The following TBX3 variants were observed in gnomAD, a reference collection of about 807,000 sequenced individuals.
The protein encoded by TBX3 is T-box transcription factor TBX3.
TBX3 carries 11 observed loss-of-function variants against 47.8 expected under a neutral mutation model. That is an observed-to-expected ratio of 0.23 (90% confidence interval 0.14 to 0.38). The LOEUF is 0.38. Ranked by LOEUF, TBX3 falls within the 10% of genes least tolerant of loss-of-function variation. TBX3 has a pLI of 1.00. For synonymous variants in TBX3, 500 were observed against 449.3 expected (o/e 1.11, Z -1.43); for missense variants, 927 against 1,022.8 (o/e 0.91, Z 1.28).
intron 1 of TBX3, among the ~76,000 whole-genome samples, chr12:114,682,517 CTT>C (rs34428684): frequency 6.9e-6 from 1 of 145,488 alleles, no homozygotes. Context: ...AGTAGAGTGC[CTT>C]TTTTTTTTTT....
At position 114,670,363 on chromosome 12, in the gene TBX3, A is replaced by G. The variant is rs1356685524; in HGVS notation, c.*1478T>C. The G allele has an allele frequency of 4.5e-6, 1 of 224,490 alleles. No homozygotes were observed. The highest frequency in any genetic ancestry group is 8.9e-6 in the Non-Finnish European group (1 of 112,640). 13.9% of individuals were successfully genotyped at this position (224,490 alleles called of 1,614,324 possible). ...CAACTATAACACAAAATATACCTTC[A>G]TGAATTTGTCTTTAAACCATCTCTC... On this transcript the variant is annotated 3_prime_UTR_variant, in exon 7 of 7. Transcript: ENST00000349155.
In TBX3 at chr12:114,671,579, T is replaced by A; in HGVS notation, c.*262A>T. The A allele has an allele frequency of 1.8e-6, 1 of 567,470 alleles. No homozygotes were observed. The highest frequency in any genetic ancestry group is 3.1e-6 in the Non-Finnish European group (1 of 317,498). The allele number at this position is 567,470 out of a possible 1,614,324, so 35.2% of individuals were successfully genotyped here. ...TGGAAGTTGCTCTGGACATAAATGTTGGAACTCCTACCCCCAGTAGCTCAA... is the reference window on the plus strand; with the variant it reads ...TGGAAGTTGCTCTGGACATAAATGTAGGAACTCCTACCCCCAGTAGCTCAA... On this transcript the variant is annotated 3_prime_UTR_variant, in exon 7 of 7. Transcript: ENST00000349155.
intron 1 of TBX3, 83 bp downstream of exon 1, chr12:114,682,729 C>T: frequency 6.2e-7 from 1 of 1,606,142 alleles, no homozygotes; most frequent in Non-Finnish European, 8.5e-7. Context: ...TAATAACCGA[C>T]CAACCGACTG....
chr12:114,676,965 C>G (rs1029696490), intron 4 of TBX3, among the ~76,000 whole-genome samples: 6 of 151,000 alleles, frequency 4.0e-5, no homozygotes, highest in African/African-American at 1.5e-4. Flanking sequence ...GTTTTACTAA[C>G]AAATTAATTG....
intron 3 of TBX3, among the ~76,000 whole-genome samples, chr12:114,678,810 C>G (rs75698974): frequency 0.011 from 1,601 of 152,236 alleles, 15 homozygotes; most frequent in Admixed American, 0.015. Context: ...CTCTAGATAT[C>G]AGGTGCTTTC....
chr12:114,679,659 G>A lies in TBX3; in HGVS notation c.658-8C>T. ...CATGGAGTTCAATATAGTCTGCAGG[G>A]GCAGGGAAGAGGAGACATACATAAA... On this transcript the variant is annotated splice_polypyrimidine_tract_variant and splice_region_variant and intron_variant, in intron 2 of 6. Coordinates refer to ENST00000349155, the MANE Select transcript of TBX3 (RefSeq NM_005996.4). 6.2e-7 allele frequency: 1 copy of A among 1,614,080 alleles called. No homozygotes were observed. The highest frequency in any genetic ancestry group is 8.5e-7 in the Non-Finnish European group (1 of 1,179,996).
Position 114,672,243 on chromosome 12 carries a change from T to G in TBX3, c.1770A>C (p.Ala590=). 4 of 1,575,280 alleles carry G rather than the reference T, an allele frequency of 2.5e-6. No individual in the cohort carries two copies. Among genetic ancestry groups the G allele is most frequent in the Non-Finnish European group, 1.7e-6 (2 of 1,161,404 alleles). ...LFPYPYTYMA[A]AAAASSAAAS... Reference sequence around the variant, plus strand: ...CTGCCGCAGAGGAGGCGGCCGCCGCTGCGGCCATGTACGTGTAGGGGTAAG... The same window carrying G: ...CTGCCGCAGAGGAGGCGGCCGCCGCGGCGGCCATGTACGTGTAGGGGTAAG... The change falls in exon 7 of 7, where the codon GCA becomes GCC. Residue 590 remains alanine, a synonymous_variant. Transcript: ENST00000349155.
chr12:114,680,077 A>G (rs1868862820), intron 2 of TBX3: 1 of 1,130,590 alleles, frequency 8.8e-7, no homozygotes, highest in African/African-American at 1.5e-5. Context: ...TGAAAGGCTG[A>G]ACTCTAGAGA....
In TBX3 at chr12:114,684,057, G is replaced by T. The variant is rs78033245; in HGVS notation, c.-857C>A. Reference sequence around the variant, plus strand: ...AGAGGGGGAAAAAATGGAACAGAGGGAAAGAGAGGGAGGGGAGAGAGAGAG... The same window carrying T: ...AGAGGGGGAAAAAATGGAACAGAGGTAAAGAGAGGGAGGGGAGAGAGAGAG... On this transcript the variant is annotated 5_prime_UTR_variant, in exon 1 of 7. Coordinates refer to ENST00000349155, the MANE Select transcript of TBX3 (RefSeq NM_005996.4). 2.4e-4 allele frequency: 50 copies of T among 209,450 alleles called. No individual in the cohort carries two copies. The highest frequency in any genetic ancestry group is 1.2e-3 in the African/African-American group (49 of 39,792). The allele number at this position is 209,450 out of a possible 1,614,324, so 13.0% of individuals were successfully genotyped here.
At position 114,674,539 on chromosome 12, in the gene TBX3, T is replaced by C; in HGVS notation, c.1336A>G (p.Lys446Glu). 6 of 1,538,802 alleles carry C rather than the reference T, an allele frequency of 3.9e-6. No homozygotes were observed. The highest frequency in any genetic ancestry group is 5.2e-6 in the Non-Finnish European group (6 of 1,147,100). Reference sequence around the variant, plus strand: ...GGGAGCGCGCGCGCCTCTTCCACCTTGGCCGGCGCTGTGCCCTCGCGAACC... The same window carrying C: ...GGGAGCGCGCGCGCCTCTTCCACCTCGGCCGGCGCTGTGCCCTCGCGAACC... ...SPVREGTAPA[K>E]VEEARALPGK... Residue 446 changes from lysine to glutamate, a missense_variant, in exon 6 of 7, where the codon AAG becomes GAG. Coordinates refer to ENST00000349155, the MANE Select transcript of TBX3 (RefSeq NM_005996.4).
chr12:114,680,704 G>A lies in TBX3; in HGVS notation c.657+175C>T, dbSNP rs1046508637. 47 of 920,824 alleles carry A rather than the reference G, an allele frequency of 5.1e-5. No individual in the cohort carries two copies. The African/African-American group carries it at 6.8e-4, about 13-fold the overall frequency. The allele number at this position is 920,824 out of a possible 1,614,324, so 57.0% of individuals were successfully genotyped here. On this transcript the variant is annotated intron_variant, in intron 2 of 6. Coordinates refer to ENST00000349155, the MANE Select transcript of TBX3 (RefSeq NM_005996.4). The stretch of plus-strand genomic sequence containing the variant: ...TGCCCCATTTCTTTTAGAACGCCAG[G>A]CCTTCCATTATTTGGAGAGAAACAC...
At chr12:114,678,711 C>A (rs139506326) in intron 3 of TBX3, among the ~76,000 whole-genome samples, 305 of 152,278 alleles carry the variant, frequency 2.0e-3, no homozygotes, top group African/African-American at 7.1e-3. Context: ...CCTCCTCCCA[C>A]CCCATAACTG....
At chr12:114,675,633 AGTGTGT>A (rs3068612) in intron 5 of TBX3, among the ~76,000 whole-genome samples, 7,743 of 150,018 alleles carry the variant, frequency 0.052, 450 homozygotes, top group Admixed American at 0.19. Flanking sequence ...TCCCGTTGAG[AGTGTGT>A]GTGTGTGTGT....
chr12:114,677,565 A>T lies in TBX3; in HGVS notation c.881+15T>A. 6.2e-7 allele frequency: 1 copy of T among 1,609,050 alleles called. No homozygotes were observed. The highest frequency in any genetic ancestry group is 1.1e-5 in the South Asian group (1 of 91,062). ...ATTTTTCTAAACTATCTAATAAATA[A>T]TTGTTTCAACTCACCTTTTTTCTCT... On this transcript the variant is annotated intron_variant, in intron 4 of 6. Transcript: ENST00000349155.
rs1279373184 is a variant in TBX3 at position 114,674,447 on chromosome 12, G to C, written c.1428C>G (p.Gly476=). 1.3e-5 allele frequency: 20 copies of C among 1,546,494 alleles called. No homozygotes were observed. Among genetic ancestry groups the C allele is most frequent in the Non-Finnish European group, 1.7e-5 (20 of 1,145,278 alleles). Reference sequence around the variant, plus strand: ...GGGCGAAGCCGAGGCCAGGCAGGGGGCCCTGGGCCAGGTGCGCGGCGGCCG... The same window carrying C: ...GGGCGAAGCCGAGGCCAGGCAGGGGCCCCTGGGCCAGGTGCGCGGCGGCCG... ...TDAAAAHLAQ[G]PLPGLGFAPG... The change falls in exon 6 of 7, where the codon GGC becomes GGG. Residue 476 remains glycine, a synonymous_variant. Coordinates refer to ENST00000349155, the MANE Select transcript of TBX3 (RefSeq NM_005996.4).
rs1343061173 is a variant in TBX3, at chr12:114,672,176, T to C, written c.1837A>G (p.Thr613Ala). Residue 613 changes from threonine (T) to alanine (A), a missense_variant, in exon 7 of 7, where the codon ACC becomes GCC. Transcript: ENST00000349155. The part of the protein sequence containing the change: ...VHRHPFLNLN[T>A]MRPRLRYSPY... ...CTGTAGCGCAGCCGCGGGCGCATGG[T>C]GTTCAGATTGAGGAAGGGGTGGCGG... The C allele has an allele frequency of 2.5e-6, 4 of 1,571,838 alleles. No individual in the cohort carries two copies. Among genetic ancestry groups the C allele is most frequent in the South Asian group, 2.3e-5 (2 of 85,294 alleles).
intron 2 of TBX3, chr12:114,680,178 TAA>T: frequency 1.6e-6 from 1 of 607,494 alleles, no homozygotes; most frequent in Non-Finnish European, 2.9e-6. Context: ...TTCCTGGGCC[TAA>T]TCTTTCTGCT....
chr12:114,674,842 C>G lies in TBX3; in HGVS notation c.1040-7G>C, dbSNP rs770566195. 1 of 1,563,952 alleles carries G rather than the reference C, an allele frequency of 6.4e-7. No homozygotes were observed. The highest frequency in any genetic ancestry group is 1.2e-5 in the South Asian group (1 of 86,046). On this transcript the variant is annotated splice_polypyrimidine_tract_variant and splice_region_variant and intron_variant, in intron 5 of 6. Transcript: ENST00000349155. ...CCCTCGCTGGGACATAAATCTACCACAGGCGAAGGAAAAAACCAAGGCAGA... is the reference window on the plus strand; with the variant it reads ...CCCTCGCTGGGACATAAATCTACCAGAGGCGAAGGAAAAAACCAAGGCAGA...
Position 114,676,360 on chromosome 12 carries a change from T to C in TBX3, c.992A>G (p.Gln331Arg). ...SEQAAFNCFA[Q>R]ASSPAASTVG... Reference sequence around the variant, plus strand: ...AGTGGAGGCGGCTGGAGAAGAAGCCTGGGCGAAGCAGTTGAAAGCTGCTTG... The same window carrying C: ...AGTGGAGGCGGCTGGAGAAGAAGCCCGGGCGAAGCAGTTGAAAGCTGCTTG... The change falls in exon 5 of 7, where the codon CAG (glutamine) becomes CGG (arginine). Residue 331 changes from glutamine (Q) to arginine (R), a missense_variant. This residue lies in a region of TBX3 where 44 missense variants were observed against 59.3 expected (regional missense o/e 0.74). Coordinates refer to ENST00000349155, the MANE Select transcript of TBX3 (RefSeq NM_005996.4). 2 of 1,614,186 alleles carry C rather than the reference T, an allele frequency of 1.2e-6. No individual in the cohort carries two copies. Among genetic ancestry groups the C allele is most frequent in the Non-Finnish European group, 1.7e-6 (2 of 1,180,034 alleles).
Sources: allele counts gnomAD v4.1 joint callset (sites outside exome capture counted in the v4.1 genomes callset), GRCh38; gene constraint gnomAD v4.1.1; regional missense constraint gnomAD v4.1.1; transcripts MANE v1.5; gene names NCBI Gene and HGNC (gene_info 2026-07-23, HGNC 2026-07-21).